Variants in SHANK2 observed in about 807,000 individuals in gnomAD.
The protein encoded by SHANK2 is SH3 and multiple ankyrin repeat domains protein 2.
A neutral mutation model predicts 133.7 loss-of-function variants in SHANK2; 43 were observed. The observed-to-expected ratio is 0.32, with a 90% CI of 0.25 to 0.41. SHANK2 has a LOEUF of 0.41. Ranked by LOEUF, SHANK2 falls within the 10% of genes least tolerant of loss-of-function variation. SHANK2 has a pLI of 1.00. For missense variants in SHANK2, 1,994 were observed against 2,235.8 expected (o/e 0.89, Z 2.18); for synonymous variants, 1,017 against 952.8 (o/e 1.07, Z -1.24).
intron 15 of SHANK2, among the ~76,000 whole-genome samples, chr11:70,695,485 A>G (rs774851387): frequency 6.6e-6 from 1 of 152,146 alleles, no homozygotes; most frequent in African/African-American, 2.4e-5. Context: ...ATCTCTCCCA[A>G]CAATGCTTTG....
intron 6 of SHANK2, among the ~76,000 whole-genome samples, chr11:71,105,975 G>C (rs1240534004): frequency 6.6e-6 from 1 of 152,188 alleles, no homozygotes; most frequent in African/African-American, 2.4e-5. Context: ...ACGACTCCAA[G>C]CGTGAACCTT....
intron 17 of SHANK2, among the ~76,000 whole-genome samples, chr11:70,525,818 G>T (rs970513556): frequency 1.5e-4 from 23 of 152,034 alleles, no homozygotes; most frequent in African/African-American, 5.1e-4. Flanking sequence ...TTAGTTTTGT[G>T]GAGGTGATGG....
chr11:70,926,856 T>C (rs1363627328), intron 10 of SHANK2, among the ~76,000 whole-genome samples: 4 of 152,140 alleles, frequency 2.6e-5, no homozygotes, highest in African/African-American at 9.7e-5. Flanking sequence ...ATCACAAATA[T>C]GGAATCTGTG....
intron 14 of SHANK2, among the ~76,000 whole-genome samples, chr11:70,783,556 A>G (rs962424789): frequency 6.6e-5 from 10 of 152,180 alleles, no homozygotes; most frequent in African/African-American, 2.4e-4. Flanking sequence ...ACGAGTGGGC[A>G]GAGTCCCACG....
At chr11:71,127,630 G>A (rs1477758621) in intron 3 of SHANK2, among the ~76,000 whole-genome samples, 1 of 152,128 alleles carries the variant, frequency 6.6e-6, no homozygotes, top group Non-Finnish European at 1.5e-5. Context: ...TTTTAACAAA[G>A]TATTTTTTAA....
At chr11:70,823,450 TAGGG>T (rs1948580030) in intron 11 of SHANK2, among the ~76,000 whole-genome samples, 1 of 95,084 alleles carries the variant, frequency 1.1e-5, no homozygotes, top group South Asian at 4.4e-4. Context: ...GCAGAGGTCA[TAGGG>T]GACAGAGGTG....
At chr11:70,782,979 G>C (rs1947541517) in intron 14 of SHANK2, among the ~76,000 whole-genome samples, 1 of 152,130 alleles carries the variant, frequency 6.6e-6, no homozygotes, top group Admixed American at 6.5e-5. Flanking sequence ...GGTGTGATTG[G>C]GTTTAGATAA....
chr11:70,661,997 G>A, intron 15 of SHANK2: 1 of 596,172 alleles, frequency 1.7e-6, no homozygotes, highest in Middle Eastern at 4.6e-4. Flanking sequence ...AAGGGGGGCT[G>A]GCCAGGACGC....
intron 17 of SHANK2, among the ~76,000 whole-genome samples, chr11:70,654,629 T>G (rs2061381347): frequency 6.6e-6 from 1 of 152,212 alleles, no homozygotes; most frequent in Non-Finnish European, 1.5e-5. Flanking sequence ...CTTGTAAACA[T>G]CATTTTTAAT....
chr11:70,947,930 C>T (rs1014693413), intron 10 of SHANK2, among the ~76,000 whole-genome samples: 2 of 152,180 alleles, frequency 1.3e-5, no homozygotes, highest in Non-Finnish European at 1.5e-5. Flanking sequence ...TGCCAAGCAA[C>T]GTGGCCCTCT....
Position 70,820,606 on chromosome 11 carries a change from C to T in SHANK2, c.1251G>A (p.Leu417=). Residue 417 remains leucine, a synonymous_variant, in exon 12 of 26, where the codon CTG becomes CTA. Coordinates refer to ENST00000601538, the MANE Select transcript of SHANK2 (RefSeq NM_012309.5). ...GGTTGTTGTCACTGTTGGAGCGCAG[C>T]AGGACCCGGGGGGCGGCCAGCGTGT... is the stretch of plus-strand genomic sequence containing the variant. The part of the protein sequence containing the change: ...PPNTLAAPRV[L]LRSNSDNNLN... 1 of 715,268 alleles carries T rather than the reference C, an allele frequency of 1.4e-6. No individual in the cohort carries two copies. The highest frequency in any genetic ancestry group is 1.5e-5 in the South Asian group (1 of 67,480). The allele number at this position is 715,268 out of a possible 1,614,324, so 44.3% of individuals were successfully genotyped here.
At chr11:71,145,804 A>C (rs1368829177) in intron 3 of SHANK2, among the ~76,000 whole-genome samples, 11 of 68,354 alleles carry the variant, frequency 1.6e-4, no homozygotes, top group Admixed American at 6.1e-4. Flanking sequence ...GGGAGACTGT[A>C]CTCATAGAGG....
rs77501258 is a variant in SHANK2, at chr11:70,599,909, A to G, written c.2061+59919T>C. Among the ~76,000 whole-genome samples the G allele has an allele frequency of 5.6e-3, 210 of 37,516 alleles. 3 individuals are homozygous for G. The highest frequency in any genetic ancestry group is 0.02 in the East Asian group (27 of 1,358). The allele number at this position is 37,516 out of a possible 152,430, so 24.6% of individuals were successfully genotyped here. A position where few individuals can be genotyped will look rare whatever the true frequency, so the allele number is the denominator to read the frequency against. On this transcript the variant is annotated intron_variant, in intron 17 of 25. Coordinates refer to ENST00000601538, the MANE Select transcript of SHANK2 (RefSeq NM_012309.5). ...AAAGAAAAAGAAAGAAAGAAAGAGA[A>G]AGAAAGAAAGAAAGAAAGAAAGAAA...
At chr11:70,697,435 G>A (rs1156233970) in intron 15 of SHANK2, among the ~76,000 whole-genome samples, 1 of 152,166 alleles carries the variant, frequency 6.6e-6, no homozygotes, top group Non-Finnish European at 1.5e-5. Flanking sequence ...GCGCAGCACC[G>A]AGGCAGGCAG....
At chr11:70,816,804 C>T (rs1948407512) in intron 12 of SHANK2, among the ~76,000 whole-genome samples, 1 of 152,182 alleles carries the variant, frequency 6.6e-6, no homozygotes, top group Non-Finnish European at 1.5e-5. Context: ...CACAATGGGG[C>T]CTCGGTCCAC....
At chr11:70,955,454 T>C (rs1004167096) in intron 10 of SHANK2, among the ~76,000 whole-genome samples, 118 of 150,596 alleles carry the variant, frequency 7.8e-4, no homozygotes, top group Admixed American at 2.8e-3. Context: ...TGTGTGTGTG[T>C]GTGTGTGAAT....
chr11:70,952,461 A>G (rs1950858543), intron 10 of SHANK2, among the ~76,000 whole-genome samples: 1 of 152,200 alleles, frequency 6.6e-6, no homozygotes, highest in African/African-American at 2.4e-5. Context: ...AAGTGGATAG[A>G]CACAAGCTGT....
At chr11:70,659,682 G>C in intron 17 of SHANK2, 146 bp downstream of exon 17, 1 of 972,164 alleles carries the variant, frequency 1.0e-6, no homozygotes, top group Non-Finnish European at 1.6e-6. Flanking sequence ...CACCCACGGT[G>C]GGAGAAACTG....
At chr11:71,130,650 T>A (rs181730647) in intron 3 of SHANK2, among the ~76,000 whole-genome samples, 87 of 152,292 alleles carry the variant, frequency 5.7e-4, no homozygotes, top group African/African-American at 2.0e-3. Flanking sequence ...TTCAGGGACC[T>A]CCACCTCTAC....
Sources: allele counts gnomAD v4.1 joint callset (sites outside exome capture counted in the v4.1 genomes callset), GRCh38; gene constraint gnomAD v4.1.1; transcripts MANE v1.5; gene names NCBI Gene and HGNC (gene_info 2026-07-23, HGNC 2026-07-21).